The following MAST4 variants were observed in gnomAD, a reference collection of about 807,000 sequenced individuals.
The protein encoded by MAST4 is microtubule associated serine/threonine kinase family member 4, also known as microtubule-associated serine/threonine-protein kinase 4.
A neutral mutation model predicts 162.7 loss-of-function variants in MAST4; 89 were observed. That is an observed-to-expected ratio of 0.55 (90% CI 0.46 to 0.65). MAST4 has a LOEUF of 0.65. Among genes scored for constraint, MAST4 ranks in the 30% least tolerant of loss-of-function variants. The probability of loss-of-function intolerance (pLI) is 0.00; values close to 1 mark genes in which losing one functional copy is unlikely to be tolerated. For synonymous variants in MAST4, 1,479 were observed against 1,361.1 expected, an observed-to-expected ratio of 1.09 and a Z score of -1.91; for missense variants, 3,153 against 3,374.0, an observed-to-expected ratio of 0.93 and a Z score of 1.62.
rs146566734 is a variant in MAST4 at position 66,724,908 on chromosome 5, G to A, written c.364-34801G>A. ...CTTAAAGAAATCTTACTAGTTGATG[G>A]CTTCAAAGATTAGGCTCCCTCTATA... On this transcript the variant is annotated intron_variant, in intron 1 of 28. Coordinates refer to ENST00000403625, the MANE Select transcript of MAST4 (RefSeq NM_001164664.2). Among the ~76,000 whole-genome samples, 203 of 152,030 alleles carry A rather than the reference G, an allele frequency of 1.3e-3. 5 individuals are homozygous for A. The East Asian group carries it at 0.032, about 24-fold the overall frequency.
At chr5:66,669,660 A>G (rs995499394) in intron 1 of MAST4, among the ~76,000 whole-genome samples, 22 of 152,118 alleles carry the variant, frequency 1.4e-4, no homozygotes, top group Non-Finnish European at 2.9e-4. Flanking sequence ...CTGGCTAAAG[A>G]AGGTGTTTGA....
At chr5:66,934,628 A>G (rs74957036) in intron 4 of MAST4, among the ~76,000 whole-genome samples, 11,281 of 152,080 alleles carry the variant, frequency 0.074, 512 homozygotes, top group African/African-American at 0.12. Flanking sequence ...AGCATATACT[A>G]AGAGTAAGAA....
At chr5:66,987,697 C>T (rs895435178) in intron 4 of MAST4, among the ~76,000 whole-genome samples, 2 of 152,046 alleles carry the variant, frequency 1.3e-5, no homozygotes. Context: ...CCGTACAGAT[C>T]ATGTCAAATA....
intron 1 of MAST4, among the ~76,000 whole-genome samples, chr5:66,678,184 T>G (rs1194558568): frequency 6.6e-6 from 1 of 152,062 alleles, no homozygotes; most frequent in Admixed American, 6.6e-5. Context: ...ATGATTTCCC[T>G]TACTCGTGGA....
rs1324246873 is a variant in MAST4 at position 66,716,968 on chromosome 5, A to G, written c.364-42741A>G. Among the ~76,000 whole-genome samples the G allele has an allele frequency of 2.0e-5, 3 of 152,230 alleles. 1 individual carries two copies. The highest frequency in any genetic ancestry group is 4.4e-5 in the Non-Finnish European group (3 of 68,032). ...GCATTATGCATGGGTCTCACAGGTG[A>G]AGAGGACAAAGTTCTCCCTCAAGGA... On this transcript the variant is annotated intron_variant, in intron 1 of 28. Coordinates refer to ENST00000403625, the MANE Select transcript of MAST4 (RefSeq NM_001164664.2).
intron 12 of MAST4, among the ~76,000 whole-genome samples, chr5:67,116,108 C>G (rs1219543700): frequency 6.6e-6 from 1 of 152,126 alleles, no homozygotes; most frequent in Non-Finnish European, 1.5e-5. Context: ...GAACAGTGAT[C>G]TTTGACAAGT....
chr5:66,603,115 A>T (rs1193685191), intron 1 of MAST4, among the ~76,000 whole-genome samples: 1 of 152,138 alleles, frequency 6.6e-6, no homozygotes, highest in Non-Finnish European at 1.5e-5. Flanking sequence ...CCCTTGCCTG[A>T]TGGATTATGC....
At chr5:67,026,086 C>T (rs2150409186) in intron 4 of MAST4, among the ~76,000 whole-genome samples, 1 of 152,312 alleles carries the variant, frequency 6.6e-6, no homozygotes. Context: ...AAACACTTCT[C>T]ATCTGTTAGT....
chr5:66,744,878 C>T (rs1197745773), intron 1 of MAST4, among the ~76,000 whole-genome samples: 1 of 152,142 alleles, frequency 6.6e-6, no homozygotes, highest in Non-Finnish European at 1.5e-5. Context: ...TATTTTAAAG[C>T]TTTTTCCAGA....
intron 23 of MAST4, among the ~76,000 whole-genome samples, chr5:67,146,093 C>G (rs1245153922): frequency 6.6e-6 from 1 of 152,332 alleles, no homozygotes; most frequent in East Asian, 1.9e-4. Flanking sequence ...CCTTCCCCAT[C>G]TCTGGGTAAT....
intron 3 of MAST4, among the ~76,000 whole-genome samples, chr5:66,832,207 G>A (rs924605282): frequency 1.3e-5 from 2 of 148,384 alleles, no homozygotes; most frequent in African/African-American, 2.6e-5. Flanking sequence ...CCCCACACAC[G>A]CCCCCCAATT....
intron 1 of MAST4, among the ~76,000 whole-genome samples, chr5:66,637,923 C>T (rs1228936843): frequency 6.6e-6 from 1 of 152,138 alleles, no homozygotes; most frequent in African/African-American, 2.4e-5. Flanking sequence ...GTTACCCAGG[C>T]TGGTCTCAAG....
chr5:67,035,243 T>C (rs909756095), intron 4 of MAST4, among the ~76,000 whole-genome samples: 2 of 152,146 alleles, frequency 1.3e-5, no homozygotes, highest in African/African-American at 2.4e-5. Context: ...GGAACAGCCA[T>C]TGGATTGTAA....
intron 6 of MAST4, 66 bp from the exon 7 acceptor site, chr5:67,095,531 T>C: frequency 8.0e-7 from 1 of 1,243,334 alleles, no homozygotes; most frequent in South Asian, 1.4e-5. Flanking sequence ...AAATACTTAG[T>C]TTCCCTGGGG....
chr5:67,081,056 TATATA>T (rs561552348), intron 5 of MAST4, among the ~76,000 whole-genome samples: 18 of 118,750 alleles, frequency 1.5e-4, no homozygotes, highest in African/African-American at 4.5e-4. Context: ...TTGTATATAT[TATATA>T]ATATAATATA....
chr5:66,928,894 A>G (rs1078040), intron 4 of MAST4, among the ~76,000 whole-genome samples: 22,984 of 152,142 alleles, frequency 0.15, 3,318 homozygotes, highest in African/African-American at 0.38. Flanking sequence ...CCCTGAAGTG[A>G]AGGACTTCAT....
rs142579203 is a variant in MAST4, at chr5:66,663,238, A to G, written c.363+66220A>G. On this transcript the variant is annotated intron_variant, in intron 1 of 28. Coordinates refer to ENST00000403625, the MANE Select transcript of MAST4 (RefSeq NM_001164664.2). ...GTGTGTATACATGGATTGTTTTAGT[A>G]TCTTAATCACCAACTCCTTTTTAGG... 6.6e-5 allele frequency among the ~76,000 whole-genome samples: 10 copies of G among 152,254 alleles called. No individual in the cohort carries two copies. In the East Asian group the frequency reaches 1.9e-3, roughly 29 times the overall value.
intron 4 of MAST4, among the ~76,000 whole-genome samples, chr5:67,021,569 A>G (rs1297770402): frequency 6.6e-6 from 1 of 152,336 alleles, no homozygotes; most frequent in East Asian, 1.9e-4. Context: ...AAAGTTCTCA[A>G]AGGAGCAATA....
intron 3 of MAST4, among the ~76,000 whole-genome samples, chr5:66,807,582 A>G (rs1456716091): frequency 6.6e-6 from 1 of 151,794 alleles, no homozygotes. Context: ...GGTCTTATTC[A>G]TTCTTTCTAT....
Sources: gnomAD v4.1 joint callset for allele counts (sites outside exome capture counted in the v4.1 genomes callset) on GRCh38, gnomAD v4.1.1 for gene constraint, MANE v1.5 for transcripts, NCBI Gene and HGNC (gene_info 2026-07-23, HGNC 2026-07-21) for gene names.